Variants in ERC2 observed in about 807,000 individuals in gnomAD.
ERC2 encodes the protein ELKS/RAB6-interacting/CAST family member 2, also known as ERC protein 2.
ERC2 carries 42 observed loss-of-function variants against 114.8 expected under a neutral mutation model. The ratio of observed to expected loss-of-function variants is 0.37; its 90% confidence interval spans 0.29 to 0.47. The LOEUF is 0.47. Ranked by LOEUF, ERC2 falls within the 20% of genes least tolerant of loss-of-function variation. ERC2 has a pLI of 0.99. For missense variants in ERC2, 939 were observed against 1,150.7 expected (o/e 0.82, Z 2.66); for synonymous variants, 454 against 425.5 (o/e 1.07, Z -0.82).
chr3:55,989,250 C>G (rs532605090), intron 11 of ERC2, among the ~76,000 whole-genome samples: 72 of 152,352 alleles, frequency 4.7e-4, no homozygotes, highest in Non-Finnish European at 7.5e-4. Context: ...TGTAAAATCA[C>G]TGCTGCTTTA....
At chr3:56,000,397 C>T (rs2071943389) in intron 10 of ERC2, among the ~76,000 whole-genome samples, 3 of 151,928 alleles carry the variant, frequency 2.0e-5, no homozygotes, top group Admixed American at 2.0e-4. Context: ...AATAAAACTG[C>T]CATAAATCTG....
At chr3:55,906,446 A>C (rs902479995) in intron 13 of ERC2, among the ~76,000 whole-genome samples, 1 of 150,108 alleles carries the variant, frequency 6.7e-6, no homozygotes, top group African/African-American at 2.5e-5. Context: ...AAAAAAAAAA[A>C]AAAAAAAGTA....
At chr3:56,150,460 GA>G (rs1207608230) in intron 4 of ERC2, among the ~76,000 whole-genome samples, 3 of 152,124 alleles carry the variant, frequency 2.0e-5, no homozygotes, top group Admixed American at 2.0e-4. Flanking sequence ...ACCAAGAACT[GA>G]GTGCTCTAAG....
At chr3:55,852,414 A>G (rs2061612022) in intron 14 of ERC2, 1 of 154,790 alleles carries the variant, frequency 6.5e-6, no homozygotes, top group South Asian at 2.0e-4. Flanking sequence ...AGAACTACCA[A>G]ATGTCACATA....
chr3:55,846,847 A>T (rs949491688), intron 14 of ERC2, among the ~76,000 whole-genome samples: 1 of 152,280 alleles, frequency 6.6e-6, no homozygotes, highest in East Asian at 1.9e-4. Flanking sequence ...CTGCCCTGCC[A>T]CTGGGAAACT....
chr3:56,267,213 C>T (rs1400801590), intron 3 of ERC2, among the ~76,000 whole-genome samples: 2 of 152,094 alleles, frequency 1.3e-5, no homozygotes, highest in African/African-American at 2.4e-5. Flanking sequence ...TGGAGCATTT[C>T]GAATTTCAGA....
chr3:55,905,082 T>C (rs2064351483), intron 13 of ERC2, among the ~76,000 whole-genome samples: 2 of 152,198 alleles, frequency 1.3e-5, no homozygotes, highest in South Asian at 4.1e-4. Flanking sequence ...CTTGATGTGT[T>C]TCACGTTCTT....
chr3:55,626,607 T>C (rs1262293968), intron 17 of ERC2, among the ~76,000 whole-genome samples: 1 of 152,198 alleles, frequency 6.6e-6, no homozygotes, highest in South Asian at 2.1e-4. Context: ...CAGAAGGAAA[T>C]TCATGGCTTC....
chr3:55,915,779 G>C (rs1351279542), intron 13 of ERC2, among the ~76,000 whole-genome samples: 1 of 152,142 alleles, frequency 6.6e-6, no homozygotes, highest in Non-Finnish European at 1.5e-5. Flanking sequence ...TTGGGGAGGT[G>C]CCTATCCAGA....
intron 14 of ERC2, among the ~76,000 whole-genome samples, chr3:55,736,207 T>C (rs1423324858): frequency 6.6e-6 from 1 of 152,216 alleles, no homozygotes; most frequent in African/African-American, 2.4e-5. Context: ...CATCACTCTT[T>C]AGACTTGAAA....
At chr3:55,590,059 A>C (rs2057796205) in intron 17 of ERC2, among the ~76,000 whole-genome samples, 1 of 152,242 alleles carries the variant, frequency 6.6e-6, no homozygotes. Context: ...TTATAAAAAT[A>C]AGACAATACA....
intron 2 of ERC2, among the ~76,000 whole-genome samples, chr3:56,404,929 G>C (rs2060655424): frequency 6.6e-6 from 1 of 152,196 alleles, no homozygotes; most frequent in Non-Finnish European, 1.5e-5. Context: ...AAACTTCTCA[G>C]AGGAAGTAGC....
intron 2 of ERC2, among the ~76,000 whole-genome samples, chr3:56,432,229 T>A (rs2061824079): frequency 6.6e-6 from 1 of 152,192 alleles, no homozygotes; most frequent in African/African-American, 2.4e-5. Flanking sequence ...TATACATGTA[T>A]AATTGGGGTC....
intron 11 of ERC2, among the ~76,000 whole-genome samples, chr3:55,987,947 G>T (rs1473783942): frequency 1.3e-5 from 2 of 152,110 alleles, no homozygotes; most frequent in African/African-American, 4.8e-5. Flanking sequence ...CCATCCTCTA[G>T]ACAAATACCA....
chr3:55,911,542 A>G (rs910019338), intron 13 of ERC2, among the ~76,000 whole-genome samples: 3 of 152,220 alleles, frequency 2.0e-5, no homozygotes, highest in African/African-American at 7.2e-5. Flanking sequence ...GATCAAGCCA[A>G]GACATTCCAG....
At chr3:56,302,403 T>C (rs1176912141) in intron 2 of ERC2, among the ~76,000 whole-genome samples, 1 of 152,206 alleles carries the variant, frequency 6.6e-6, no homozygotes, top group Non-Finnish European at 1.5e-5. Flanking sequence ...TTAAATCACA[T>C]GGAATGATCC....
intron 8 of ERC2, among the ~76,000 whole-genome samples, chr3:56,012,206 C>A (rs556568422): frequency 2.8e-4 from 42 of 152,180 alleles, no homozygotes; most frequent in Non-Finnish European, 4.4e-4. Context: ...TTTCAGCAAC[C>A]AAGACCTTGC....
intron 12 of ERC2, among the ~76,000 whole-genome samples, chr3:55,952,171 ACACACACAC>A (rs1265172776): frequency 0.051 from 3,035 of 59,370 alleles, 316 homozygotes; most frequent in South Asian, 0.078. Context: ...ACACACACAC[ACACACACAC>A]TCTCTCTCTC....
chr3:56,062,545 T>C (rs960049829), intron 7 of ERC2, among the ~76,000 whole-genome samples: 4 of 152,162 alleles, frequency 2.6e-5, no homozygotes, highest in Admixed American at 6.5e-5. Context: ...ATAATAATAA[T>C]GATACAAGGC....
Sources: gnomAD v4.1 joint callset for allele counts (sites outside exome capture counted in the v4.1 genomes callset) on GRCh38, gnomAD v4.1.1 for gene constraint, MANE v1.5 for transcripts, NCBI Gene and HGNC (gene_info 2026-07-23, HGNC 2026-07-21) for gene names.